Variants in PHF19 observed in about 807,000 individuals in gnomAD.
The protein encoded by PHF19 is PHD finger protein 19, also known as polycomb like 3.
In PHF19, 21 loss-of-function variants were observed where a neutral mutation model predicts 79.8. The observed-to-expected ratio is 0.26, with a 90% CI of 0.19 to 0.38. The LOEUF is 0.38. Among genes scored for constraint, PHF19 ranks in the 10% least tolerant of loss-of-function variants. The pLI is 1.00. For synonymous variants in PHF19, 273 were observed against 296.3 expected (o/e 0.92, Z 0.81); for missense variants, 445 against 744.2 (o/e 0.60, Z 4.68).
rs773615805 is a variant in PHF19, at chr9:120,858,223, C to T, written c.1464G>A (p.Lys488=). ...AAKAYMPLRA[K]RWAAELDGRC... ...GTCCATCCAGCTCAGCTGCCCACCG[C>T]TTTGCCCGCAGGGGCATGTATGCCT... is the stretch of plus-strand genomic sequence containing the variant. Residue 488 remains lysine, a synonymous_variant, in exon 15 of 15, where the codon AAG becomes AAA. Coordinates refer to ENST00000373896, the MANE Select transcript of PHF19 (RefSeq NM_015651.3). The T allele has an allele frequency of 1.9e-6, 3 of 1,576,994 alleles. No homozygotes were observed. Among genetic ancestry groups the T allele is most frequent in the Non-Finnish European group, 1.7e-6 (2 of 1,154,934 alleles).
chr9:120,860,988 G>A lies in PHF19; in HGVS notation c.1304+101C>T. 1 of 774,136 alleles carries A rather than the reference G, an allele frequency of 1.3e-6. No individual in the cohort carries two copies. Among genetic ancestry groups the A allele is most frequent in the Non-Finnish European group, 2.3e-6 (1 of 426,380 alleles). The allele number at this position is 774,136 out of a possible 1,614,324, so 48.0% of individuals were successfully genotyped here. A position where few individuals can be genotyped will look rare whatever the true frequency, so the allele number is the denominator to read the frequency against. Reference sequence around the variant, plus strand: ...CTACTGCAAAAAGCCCCTTCAGACAGACCTGCACAGCAGGGATCCTTTTAA... The same window carrying A: ...CTACTGCAAAAAGCCCCTTCAGACAAACCTGCACAGCAGGGATCCTTTTAA... On this transcript the variant is annotated intron_variant, in intron 13 of 14. Transcript: ENST00000373896. This position sits in a 1 kb window ranked among gnomAD's most constrained non-coding sequence, Gnocchi z 4.1.
chr9:120,871,052 G>C (rs530190866), intron 3 of PHF19, among the ~76,000 whole-genome samples: 2 of 152,182 alleles, frequency 1.3e-5, no homozygotes, highest in African/African-American at 4.8e-5. Flanking sequence ...GCAGGTGCAT[G>C]CCACCACACC....
chr9:120,890,920 C>T (rs1022635479), intron 1 of PHF19, among the ~76,000 whole-genome samples: 7 of 152,194 alleles, frequency 4.6e-5, no homozygotes, highest in African/African-American at 1.7e-4. Context: ...GACACCTTCT[C>T]ACCTGTGTAG....
chr9:120,860,164 G>T lies in PHF19; in HGVS notation c.1326C>A (p.Phe442Leu). 6.3e-7 allele frequency: 1 copy of T among 1,594,664 alleles called. No individual in the cohort carries two copies. The highest frequency in any genetic ancestry group is 8.5e-7 in the Non-Finnish European group (1 of 1,169,962). Residue 442 changes from phenylalanine to leucine, a missense_variant, in exon 14 of 15, where the codon TTC (phenylalanine) becomes TTA (leucine). By Grantham distance (22) the Phe-to-Leu change is conservative. This residue lies in a region of PHF19 where 125 missense variants were observed against 180.5 expected (regional missense o/e 0.69). Coordinates refer to ENST00000373896, the MANE Select transcript of PHF19 (RefSeq NM_015651.3). The surrounding 1 kb of genome is among the most constrained non-coding windows in gnomAD (Gnocchi z 4.1). The stretch of plus-strand genomic sequence containing the variant: ...CGTCGGTGGAGTCGACATCTGAGAA[G>T]AAGGTCTGGCCTGAGCTGGCACTGA... ...SLKSASSGQTFFSDVDSTDAA... is the reference protein window; with the variant it reads ...SLKSASSGQTLFSDVDSTDAA...
At position 120,874,509 on chromosome 9, in the gene PHF19, A is replaced by C; in HGVS notation, c.186+47T>G. The C allele has an allele frequency of 3.2e-6, 4 of 1,256,074 alleles. No individual in the cohort carries two copies. Among genetic ancestry groups the C allele is most frequent in the Non-Finnish European group, 4.6e-6 (4 of 864,302 alleles). The allele number at this position is 1,256,074 out of a possible 1,614,324, so 77.8% of individuals were successfully genotyped here. ...CTGACAGCCAGGCTGGAACATGAGC[A>C]GAGAGATTCTGAGTCTGAGAACAGG... On this transcript the variant is annotated intron_variant, in intron 2 of 14. Coordinates refer to ENST00000373896, the MANE Select transcript of PHF19 (RefSeq NM_015651.3). The surrounding 1 kb of genome is among the most constrained non-coding windows in gnomAD (Gnocchi z 4.5).
intron 1 of PHF19, among the ~76,000 whole-genome samples, chr9:120,875,591 C>T (rs1361788569): frequency 6.6e-6 from 1 of 152,240 alleles, no homozygotes; most frequent in Non-Finnish European, 1.5e-5. Context: ...CTTCCATCCT[C>T]CTGCCCTGGT....
upstream of PHF19, among the ~76,000 whole-genome samples, chr9:120,881,167 T>A (rs1588130938): frequency 1.0e-4 from 13 of 124,586 alleles, no homozygotes; most frequent in Non-Finnish European, 2.0e-4. Flanking sequence ...TTTTTTTTTT[T>A]GAGAGAGTCT....
upstream of PHF19, among the ~76,000 whole-genome samples, chr9:120,881,903 A>G (rs563516228): frequency 6.6e-6 from 1 of 152,328 alleles, no homozygotes; most frequent in East Asian, 1.9e-4. Flanking sequence ...CCGGGGTTCC[A>G]GGTGCACGCT....
intron 9 of PHF19, among the ~76,000 whole-genome samples, chr9:120,864,416 G>A (rs371816753): frequency 2.8e-5 from 4 of 145,204 alleles, no homozygotes; most frequent in Admixed American, 2.1e-4. Context: ...GATATAACAC[G>A]AAATAGGAAC....
chr9:120,882,815 C>T (rs1162319468), intron 1 of PHF19, among the ~76,000 whole-genome samples: 1 of 138,916 alleles, frequency 7.2e-6, no homozygotes, highest in Non-Finnish European at 1.5e-5. Flanking sequence ...GCACTCCAGC[C>T]TGGGTGACAA....
In PHF19 at chr9:120,858,068, G is replaced by A; in HGVS notation, c.1619C>T (p.Thr540Ile). The change falls in exon 15 of 15, where the codon ACC becomes ATC. Residue 540 changes from threonine to isoleucine, a missense_variant. By Grantham distance (89) the Thr-to-Ile change is moderately conservative. Transcript: ENST00000373896. ...CCGCCCAGCTGCACCAAAGTAGTTG[G>A]TGATAGATGACTTGAGGTGGGACAG... ...SSLSHLKSSI[T>I]NYFGAAGRLA... 1 of 1,614,168 alleles carries A rather than the reference G, an allele frequency of 6.2e-7. No homozygotes were observed. Among genetic ancestry groups the A allele is most frequent in the Non-Finnish European group, 8.5e-7 (1 of 1,179,990 alleles).
rs866227736 is a variant in PHF19 at position 120,863,947 on chromosome 9, T to A, written c.968+102A>T. On this transcript the variant is annotated intron_variant, in intron 10 of 14. Coordinates refer to ENST00000373896, the MANE Select transcript of PHF19 (RefSeq NM_015651.3). ...GGAAATGATTCAGAGAGAAGGGGAG[T>A]ATCAGAGAGGCAGGGAGCATAGCCT... The A allele has an allele frequency of 1.6e-5, 15 of 918,444 alleles. No homozygotes were observed. The Middle Eastern group carries it at 2.4e-3, about 144-fold the overall frequency. 56.9% of individuals were successfully genotyped at this position (918,444 alleles called of 1,614,324 possible). A position where few individuals can be genotyped will look rare whatever the true frequency, so the allele number is the denominator to read the frequency against.
Position 120,883,761 on chromosome 9 carries a change from CA to C in PHF19, c.43-9006del, listed in dbSNP as rs563911814. Among the ~76,000 whole-genome samples, 681 of 109,938 alleles carry C rather than the reference CA, an allele frequency of 6.2e-3. 4 individuals carry two copies. Among genetic ancestry groups the C allele is most frequent in the Admixed American group, 8.4e-3 (83 of 9,832 alleles). The allele number at this position is 109,938 out of a possible 152,430, so 72.1% of individuals were successfully genotyped here. ...GGGTGACAGAACAAGACACTGTCTC[CA>C]AAAAAAAAAAAAAAAAAAATAGAAG... On this transcript the variant is annotated intron_variant, in intron 1 of 14. Coordinates refer to the PHF19 transcript ENST00000616568.
chr9:120,885,527 G>A (rs1417894550), intron 1 of PHF19, among the ~76,000 whole-genome samples: 3 of 148,358 alleles, frequency 2.0e-5, no homozygotes, highest in South Asian at 2.1e-4. Flanking sequence ...GCAGTGAGCC[G>A]ATATCATGCC....
chr9:120,902,617 G>C, the PHF19 span: 1 of 151,976 alleles, frequency 6.6e-6, no homozygotes, highest in East Asian at 1.9e-4. Flanking sequence ...CCTGCCCTCA[G>C]CCAAGACAGC....
upstream of PHF19, among the ~76,000 whole-genome samples, chr9:120,896,190 T>C (rs1337072463): frequency 6.6e-6 from 1 of 152,200 alleles, no homozygotes; most frequent in Non-Finnish European, 1.5e-5. Context: ...AGCATGGTAC[T>C]TGATATACAA....
Position 120,866,455 on chromosome 9 carries a change from G to A in PHF19, c.711-359C>T, listed in dbSNP as rs2045704289. The stretch of plus-strand genomic sequence containing the variant: ...CCAAAAGATGCATAACATCAGGTTT[G>A]ACATCCATAAGGACTCCATTAGCTT... On this transcript the variant is annotated intron_variant, in intron 7 of 14. Coordinates refer to ENST00000373896, the MANE Select transcript of PHF19 (RefSeq NM_015651.3). The surrounding 1 kb of genome is among the most constrained non-coding windows in gnomAD (Gnocchi z 5.2). Among the ~76,000 whole-genome samples, 1 of 152,286 alleles carries A rather than the reference G, an allele frequency of 6.6e-6. No individual in the cohort carries two copies. The highest frequency in any genetic ancestry group is 2.4e-5 in the African/African-American group (1 of 41,560).
the PHF19 span, chr9:120,902,906 C>G: frequency 1.3e-5 from 2 of 152,224 alleles, no homozygotes; most frequent in Non-Finnish European, 1.5e-5. Context: ...TGAAGCTTTG[C>G]TGAAAGAATG....
intron 1 of PHF19, among the ~76,000 whole-genome samples, chr9:120,889,676 G>A (rs1161570633): frequency 6.6e-6 from 1 of 151,444 alleles, no homozygotes; most frequent in Non-Finnish European, 1.5e-5. Context: ...GGGAGGTTGA[G>A]GCTGCCTTCA....
Sources: gnomAD v4.1 joint callset for allele counts (sites outside exome capture counted in the v4.1 genomes callset) on GRCh38, gnomAD v4.1.1 for gene constraint, gnomAD v4.1.1 regional missense constraint, Gnocchi (gnomAD v3.1) non-coding constraint, MANE v1.5 for transcripts, NCBI Gene and HGNC (gene_info 2026-07-23, HGNC 2026-07-21) for gene names.